The following KCND3 variants were observed in gnomAD, a reference collection of about 807,000 sequenced individuals.
KCND3 encodes the protein A-type voltage-gated potassium channel KCND3.
A neutral mutation model predicts 51.1 loss-of-function variants in KCND3; 9 were observed. The observed-to-expected ratio is 0.18, with a 90% confidence interval of 0.11 to 0.31. The LOEUF is 0.31. KCND3 is among the 10% of genes least tolerant of loss of function. KCND3 has a pLI of 1.00. For missense variants in KCND3, 526 were observed against 903.8 expected, an observed-to-expected ratio of 0.58 and a Z score of 5.36; for synonymous variants, 349 against 368.0, an observed-to-expected ratio of 0.95 and a Z score of 0.59.
At position 111,780,747 on chromosome 1, in the gene KCND3, C is replaced by T. The variant is rs1247179970; in HGVS notation, c.1314G>A (p.Ser438=). Residue 438 remains serine (S), a synonymous_variant, in exon 4 of 8, where the codon TCG becomes TCA. Transcript: ENST00000302127. This position sits in a 1 kb window ranked among gnomAD's most constrained non-coding sequence, Gnocchi z 4.2. ...TGCGCTTGCTGTGCAGGTATGCATT[C>T]GAACTGCCTGTTTTGGCCACACGGA... The part of the protein sequence containing the change: ...ARIRVAKTGS[S]NAYLHSKRNG... 5.6e-6 allele frequency: 9 copies of T among 1,613,320 alleles called. No homozygotes were observed. The highest frequency in any genetic ancestry group is 5.3e-5 in the African/African-American group (4 of 74,918).
intron 2 of KCND3, among the ~76,000 whole-genome samples, chr1:111,808,380 G>C (rs1180163931): frequency 6.6e-6 from 1 of 152,198 alleles, no homozygotes; most frequent in Non-Finnish European, 1.5e-5. Context: ...ATGAATGCGA[G>C]AGTTAAAGCC....
chr1:111,816,826 C>T (rs923703399), intron 2 of KCND3, among the ~76,000 whole-genome samples: 4 of 152,192 alleles, frequency 2.6e-5, no homozygotes, highest in African/African-American at 9.7e-5. Context: ...CTTGCTCCCA[C>T]AAGAAAGTGA....
intron 2 of KCND3, among the ~76,000 whole-genome samples, chr1:111,924,277 T>C (rs887791245): frequency 1.4e-4 from 22 of 152,202 alleles, no homozygotes; most frequent in Admixed American, 1.2e-3. Context: ...CAAATAATTA[T>C]GATAATGTGC....
chr1:111,793,368 G>A (rs750665710), intron 2 of KCND3, among the ~76,000 whole-genome samples: 2 of 151,610 alleles, frequency 1.3e-5, no homozygotes, highest in Non-Finnish European at 2.9e-5. Flanking sequence ...TAGTAGAGAT[G>A]GGGTTTCACT....
intron 2 of KCND3, among the ~76,000 whole-genome samples, chr1:111,815,575 G>A (rs555628220): frequency 2.2e-4 from 33 of 150,276 alleles, no homozygotes; most frequent in Admixed American, 6.0e-4. Context: ...CTGTTAGGTT[G>A]GTTTAGCCAG....
At chr1:111,930,332 C>T (rs966638621) in intron 2 of KCND3, among the ~76,000 whole-genome samples, 15 of 152,218 alleles carry the variant, frequency 9.9e-5, no homozygotes, top group Non-Finnish European at 1.9e-4. Flanking sequence ...AACTCCAGCA[C>T]ACCCAAAGGC....
intron 2 of KCND3, among the ~76,000 whole-genome samples, chr1:111,893,286 TCTGGGACA>T (rs1290651345): frequency 6.6e-6 from 1 of 152,000 alleles, no homozygotes; most frequent in Non-Finnish European, 1.5e-5. Context: ...GAATGTGGGG[TCTGGGACA>T]CTTGACGGAG....
At chr1:111,905,868 T>A (rs75931250) in intron 2 of KCND3, among the ~76,000 whole-genome samples, 7,746 of 152,154 alleles carry the variant, frequency 0.051, 234 homozygotes, top group Non-Finnish European at 0.067. Context: ...CCATGGGAGA[T>A]TCTAATGTGC....
chr1:111,899,055 C>A (rs1670260254), intron 2 of KCND3, among the ~76,000 whole-genome samples: 2 of 152,218 alleles, frequency 1.3e-5, no homozygotes, highest in Non-Finnish European at 2.9e-5. Context: ...CTCTCTAAAT[C>A]TCCCAAAGCT....
At chr1:111,805,559 T>C (rs1049129150) in intron 2 of KCND3, among the ~76,000 whole-genome samples, 1 of 152,238 alleles carries the variant, frequency 6.6e-6, no homozygotes, top group Non-Finnish European at 1.5e-5. Flanking sequence ...AGAAATGTTA[T>C]CAAGTCCAAA....
intron 2 of KCND3, among the ~76,000 whole-genome samples, chr1:111,975,774 C>A (rs1674595653): frequency 2.0e-5 from 3 of 152,278 alleles, no homozygotes; most frequent in Admixed American, 2.0e-4. Flanking sequence ...GCAGCTTGAC[C>A]ATTTGGACCT....
At chr1:111,865,716 A>C (rs1049342732) in intron 2 of KCND3, among the ~76,000 whole-genome samples, 2 of 152,030 alleles carry the variant, frequency 1.3e-5, no homozygotes, top group Admixed American at 1.3e-4. Flanking sequence ...TTTATTTATT[A>C]ATTTTTGTGA....
chr1:111,976,399 G>A (rs1189947252), intron 2 of KCND3, among the ~76,000 whole-genome samples: 5 of 152,202 alleles, frequency 3.3e-5, no homozygotes, highest in Non-Finnish European at 7.3e-5. Context: ...TATCATGTCT[G>A]CCATGACTAT....
chr1:111,827,049 A>C (rs1666610792), intron 2 of KCND3, among the ~76,000 whole-genome samples: 1 of 152,228 alleles, frequency 6.6e-6, no homozygotes, highest in South Asian at 2.1e-4. Context: ...TCAGCAATCA[A>C]AAAGTTTCAG....
intron 2 of KCND3, among the ~76,000 whole-genome samples, chr1:111,918,197 C>T (rs902691651): frequency 6.6e-6 from 1 of 152,160 alleles, no homozygotes; most frequent in Non-Finnish European, 1.5e-5. Context: ...ACAAGAAAAC[C>T]ACTTTGTAAA....
chr1:111,791,429 C>T (rs1165786674), intron 2 of KCND3, among the ~76,000 whole-genome samples: 2 of 152,106 alleles, frequency 1.3e-5, no homozygotes, highest in African/African-American at 2.4e-5. Context: ...GGATTGCAGT[C>T]GGGGAGGAAG....
intron 2 of KCND3, among the ~76,000 whole-genome samples, chr1:111,888,479 C>T (rs535534095): frequency 8.6e-5 from 13 of 152,014 alleles, no homozygotes; most frequent in South Asian, 2.1e-4. Context: ...TGAGGTCAGG[C>T]GTTCCCAGCC....
chr1:111,872,378 A>G (rs771487627), intron 2 of KCND3, among the ~76,000 whole-genome samples: 22 of 152,240 alleles, frequency 1.4e-4, no homozygotes, highest in Non-Finnish European at 2.6e-4. Context: ...GAGAAGCCCT[A>G]CACTGAAGAA....
chr1:111,844,712 G>A (rs1667473413), intron 2 of KCND3, among the ~76,000 whole-genome samples: 1 of 152,126 alleles, frequency 6.6e-6, no homozygotes, highest in Admixed American at 6.5e-5. Context: ...ACCTCTCCAT[G>A]TTTGGCATAC....
Sources: allele counts gnomAD v4.1 joint callset (sites outside exome capture counted in the v4.1 genomes callset), GRCh38; gene constraint gnomAD v4.1.1; non-coding constraint Gnocchi (gnomAD v3.1); transcripts MANE v1.5; gene names NCBI Gene and HGNC (gene_info 2026-07-23, HGNC 2026-07-21).